KCTD14: variants seen among roughly 807,000 people sequenced by gnomAD.
KCTD14 encodes the protein BTB/POZ domain-containing protein KCTD14.
A neutral mutation model predicts 5.9 loss-of-function variants in KCTD14; 7 were observed. The observed-to-expected ratio is 1.19, with a 90% confidence interval of 0.68 to 2.23. The LOEUF is 2.23. KCTD14 is among the 30% of genes most tolerant of loss of function. KCTD14 has a pLI of 0.00. For synonymous variants in KCTD14, 140 were observed against 133.1 expected (o/e 1.05, Z -0.36); for missense variants, 342 against 332.2 (o/e 1.03, Z -0.23).
At chr11:78,038,688 C>G (rs1482984222) in exon 2 of KCTD14, 1 of 1,535,760 alleles carries the variant, frequency 6.5e-7, no homozygotes, top group Non-Finnish European at 8.7e-7. Flanking sequence ...CAGCAGAACT[C>G]CCCACAGCAA....
At chr11:78,028,205 G>T (rs1168496250), upstream of KCTD14, among the ~76,000 whole-genome samples, 1 of 152,142 alleles carries the variant, frequency 6.6e-6, no homozygotes, top group African/African-American at 2.4e-5. Context: ...AAAAACATCA[G>T]AGAAATTTCA....
chr11:78,025,110 GTGTGTGTGTA>G (rs1198595755), upstream of KCTD14, among the ~76,000 whole-genome samples: 386 of 69,886 alleles, frequency 5.5e-3, no homozygotes, highest in African/African-American at 0.022. Context: ...GTGTGTGTGT[GTGTGTGTGTA>G]TATATATATA....
At chr11:78,045,493 C>T (rs896133779) in intron 1 of KCTD14, among the ~76,000 whole-genome samples, 1 of 152,190 alleles carries the variant, frequency 6.6e-6, no homozygotes, top group Admixed American at 6.5e-5. Context: ...AGAACTCAGG[C>T]TCAACATCCT....
At chr11:78,019,706 G>A (rs1252432892) in intron 1 of KCTD14, among the ~76,000 whole-genome samples, 5 of 152,132 alleles carry the variant, frequency 3.3e-5, no homozygotes, top group African/African-American at 1.2e-4. Context: ...TGAAAAGGCC[G>A]GTAACTCTAC....
At chr11:78,029,467 C>T (rs1857557386) in intron 2 of KCTD14, among the ~76,000 whole-genome samples, 1 of 152,152 alleles carries the variant, frequency 6.6e-6, no homozygotes, top group East Asian at 1.9e-4. Flanking sequence ...TGTTTTTACC[C>T]AGAGGTCACT....
At chr11:78,025,118 G>GTGTGTATATA (rs1230114793), upstream of KCTD14, among the ~76,000 whole-genome samples, 74 of 44,468 alleles carry the variant, frequency 1.7e-3, 1 homozygote, top group East Asian at 0.015. Flanking sequence ...GTGTGTGTGT[G>GTGTGTATATA]TATATATATA....
At chr11:78,035,898 G>A (rs1857784044) in intron 2 of KCTD14, among the ~76,000 whole-genome samples, 1 of 146,592 alleles carries the variant, frequency 6.8e-6, no homozygotes, top group African/African-American at 2.5e-5. Flanking sequence ...AGTGGCTCAC[G>A]CCTGTAATTC....
intron 1 of KCTD14, among the ~76,000 whole-genome samples, chr11:78,042,205 G>A (rs756824778): frequency 7.2e-5 from 11 of 152,118 alleles, no homozygotes; most frequent in East Asian, 3.8e-4. Flanking sequence ...GAGAAATTTC[G>A]TTCATAGTTT....
At position 78,023,182 on chromosome 11, in the gene KCTD14, G is replaced by C. The variant is rs200251983; in HGVS notation, c.68C>G (p.Ser23Cys). The change falls in exon 1 of 2, where the codon TCC becomes TGC. Residue 23 changes from serine (S) to cysteine (C), a missense_variant. Coordinates refer to ENST00000353172, the MANE Select transcript of KCTD14 (RefSeq NM_023930.4). Reference protein sequence around the residue: ...RMTSQTPLPQSPRPRRPTMST... With the variant: ...RMTSQTPLPQCPRPRRPTMST... ...TACCGTTGGCCGCCTGGGCCGGGGG[G>C]ACTGGGGCAGAGGGGTCTGGCTCGT... is the stretch of plus-strand genomic sequence containing the variant. 6 of 1,599,488 alleles carry C rather than the reference G, an allele frequency of 3.8e-6. No homozygotes were observed. Among genetic ancestry groups the C allele is most frequent in the Admixed American group, 3.4e-5 (2 of 59,320 alleles).
At chr11:78,035,121 G>C (rs559199716) in intron 2 of KCTD14, among the ~76,000 whole-genome samples, 2 of 152,184 alleles carry the variant, frequency 1.3e-5, no homozygotes, top group Non-Finnish European at 2.9e-5. Context: ...CTTTACAATG[G>C]GTATATCTGT....
chr11:78,034,772 T>G (rs1201309231), intron 2 of KCTD14, among the ~76,000 whole-genome samples: 1 of 152,100 alleles, frequency 6.6e-6, no homozygotes, highest in Non-Finnish European at 1.5e-5. Flanking sequence ...GCGGCCTCAG[T>G]GATCTCAATC....
intron 2 of KCTD14, among the ~76,000 whole-genome samples, chr11:78,035,192 G>A (rs1344807701): frequency 6.6e-6 from 1 of 152,130 alleles, no homozygotes; most frequent in Non-Finnish European, 1.5e-5. Context: ...TCTTCTACCT[G>A]TCTCTCCAGA....
chr11:78,023,664 C>G (rs1391794980), upstream of KCTD14: 5 of 168,364 alleles, frequency 3.0e-5, no homozygotes, highest in Non-Finnish European at 5.1e-5. Context: ...AGGCCTGAGC[C>G]ACGGCAACTT....
At chr11:78,019,200 G>C (rs1180070151) in intron 1 of KCTD14, among the ~76,000 whole-genome samples, 2 of 151,958 alleles carry the variant, frequency 1.3e-5, no homozygotes, top group East Asian at 1.9e-4. Context: ...TTTTAGCACA[G>C]ACTGGGTTTC....
At chr11:78,031,253 G>A (rs1217657712) in intron 2 of KCTD14, among the ~76,000 whole-genome samples, 1 of 151,850 alleles carries the variant, frequency 6.6e-6, no homozygotes, top group African/African-American at 2.4e-5. Context: ...TCACTATGTT[G>A]CCCAGACTGG....
chr11:78,030,175 CT>C (rs1481780514), intron 2 of KCTD14, among the ~76,000 whole-genome samples: 1 of 152,114 alleles, frequency 6.6e-6, no homozygotes, highest in Non-Finnish European at 1.5e-5. Flanking sequence ...TTTTCCCCCC[CT>C]CCAATTGCAT....
chr11:78,018,684 G>A (rs975270316), intron 1 of KCTD14, among the ~76,000 whole-genome samples: 11 of 149,578 alleles, frequency 7.4e-5, no homozygotes, highest in African/African-American at 2.2e-4. Flanking sequence ...TCCAGCCTGC[G>A]CGACAGAATG....
chr11:78,030,447 C>T (rs1857584191), intron 2 of KCTD14, among the ~76,000 whole-genome samples: 1 of 152,200 alleles, frequency 6.6e-6, no homozygotes, highest in Admixed American at 6.5e-5. Flanking sequence ...CAGTTCTCCA[C>T]CTGTAATATG....
At chr11:78,017,696 C>T (rs1389315780) in intron 1 of KCTD14, among the ~76,000 whole-genome samples, 43 of 152,126 alleles carry the variant, frequency 2.8e-4, no homozygotes, top group Admixed American at 2.8e-3. Context: ...CCGCCTGCCT[C>T]AGCCTCCCAC....
Sources: allele counts gnomAD v4.1 joint callset (sites outside exome capture counted in the v4.1 genomes callset), GRCh38; gene constraint gnomAD v4.1.1; transcripts MANE v1.5; gene names NCBI Gene and HGNC (gene_info 2026-07-23, HGNC 2026-07-21).